CNTNAP2: variants seen among roughly 807,000 people sequenced by gnomAD.
The protein encoded by CNTNAP2 is contactin associated protein 2.
Under a neutral mutation model 155.2 loss-of-function variants are expected in CNTNAP2, and 98 were observed. The ratio of observed to expected loss-of-function variants is 0.63; its 90% CI spans 0.54 to 0.75. The LOEUF is 0.75. Among genes scored for constraint, CNTNAP2 ranks in the 30% least tolerant of loss-of-function variants. The pLI is 0.00. For missense variants in CNTNAP2, 1,727 were observed against 1,688.1 expected, an observed-to-expected ratio of 1.02 and a Z score of -0.40; for synonymous variants, 651 against 631.2, an observed-to-expected ratio of 1.03 and a Z score of -0.47.
intron 16 of CNTNAP2, among the ~76,000 whole-genome samples, chr7:148,144,737 G>A (rs1004821455): frequency 2.6e-5 from 4 of 152,216 alleles, no homozygotes; most frequent in South Asian, 2.1e-4. Flanking sequence ...GAATTTGTTC[G>A]GTATATAAGA....
At chr7:148,280,472 T>A (rs1050056081) in intron 21 of CNTNAP2, among the ~76,000 whole-genome samples, 4 of 152,160 alleles carry the variant, frequency 2.6e-5, no homozygotes, top group Admixed American at 2.0e-4. Flanking sequence ...TTGGATCATA[T>A]CAATGTTAAT....
chr7:146,241,662 T>A (rs28625703), intron 1 of CNTNAP2, among the ~76,000 whole-genome samples: 17,498 of 152,112 alleles, frequency 0.12, 2,767 homozygotes, highest in African/African-American at 0.36. Context: ...TTAGAGGAAA[T>A]TGTGAAATAT....
intron 1 of CNTNAP2, among the ~76,000 whole-genome samples, chr7:146,597,032 A>G (rs1158956046): frequency 6.6e-6 from 1 of 152,066 alleles, no homozygotes; most frequent in East Asian, 1.9e-4. Flanking sequence ...ACTTTCAAAA[A>G]TAACCAGGAA....
chr7:146,366,326 A>G (rs1795154883), intron 1 of CNTNAP2, among the ~76,000 whole-genome samples: 1 of 152,034 alleles, frequency 6.6e-6, no homozygotes, highest in Admixed American at 6.6e-5. Context: ...AGTTTTTGGG[A>G]TGTATTTCTG....
At chr7:147,328,782 C>T (rs1483826836) in intron 9 of CNTNAP2, among the ~76,000 whole-genome samples, 1 of 152,030 alleles carries the variant, frequency 6.6e-6, no homozygotes, top group Admixed American at 6.6e-5. Context: ...TATAATAAAC[C>T]AGCCTGCAGG....
intron 1 of CNTNAP2, among the ~76,000 whole-genome samples, chr7:146,312,976 T>A (rs1240927061): frequency 6.6e-6 from 1 of 152,236 alleles, no homozygotes; most frequent in Non-Finnish European, 1.5e-5. Context: ...ATACTTATAT[T>A]GCTTTCATAT....
intron 10 of CNTNAP2, among the ~76,000 whole-genome samples, chr7:147,405,528 T>C (rs1796991674): frequency 6.6e-6 from 1 of 152,184 alleles, no homozygotes; most frequent in African/African-American, 2.4e-5. Flanking sequence ...CTTCATTTGC[T>C]ATATGCTCCC....
intron 1 of CNTNAP2, among the ~76,000 whole-genome samples, chr7:146,403,232 A>G (rs1795740108): frequency 6.6e-6 from 1 of 152,124 alleles, no homozygotes; most frequent in Non-Finnish European, 1.5e-5. Flanking sequence ...AATTCATAAA[A>G]TAATATCCAT....
At chr7:147,571,034 T>A (rs1039964725) in intron 12 of CNTNAP2, among the ~76,000 whole-genome samples, 1 of 152,236 alleles carries the variant, frequency 6.6e-6, no homozygotes, top group East Asian at 1.9e-4. Context: ...ATCTAACTAA[T>A]GCCTTGGGGT....
chr7:147,595,399 A>G (rs10269768), intron 12 of CNTNAP2, among the ~76,000 whole-genome samples: 106,206 of 152,104 alleles, frequency 0.7, 37,803 homozygotes, highest in African/African-American at 0.83. Flanking sequence ...AAGAAGTGTC[A>G]TTTGGGAAAT....
At chr7:147,108,447 A>G (rs1295855311) in intron 5 of CNTNAP2, 97 bp downstream of exon 5, 6 of 1,060,692 alleles carry the variant, frequency 5.7e-6, no homozygotes. Context: ...AATTATAAAA[A>G]GAGCTCATGT....
At chr7:147,156,190 C>A (rs1452142052) in intron 8 of CNTNAP2, among the ~76,000 whole-genome samples, 2 of 152,032 alleles carry the variant, frequency 1.3e-5, no homozygotes, top group Non-Finnish European at 2.9e-5. Flanking sequence ...AAGTGATGAA[C>A]TGAGAGACAA....
intron 1 of CNTNAP2, among the ~76,000 whole-genome samples, chr7:146,299,341 T>G (rs1584855667): frequency 6.6e-6 from 1 of 152,196 alleles, no homozygotes; most frequent in East Asian, 1.9e-4. Context: ...GGTGCACAAT[T>G]ATATGGTAGT....
chr7:147,092,652 T>A (rs1800430892), intron 4 of CNTNAP2, among the ~76,000 whole-genome samples: 1 of 152,180 alleles, frequency 6.6e-6, no homozygotes, highest in Non-Finnish European at 1.5e-5. Context: ...TAGGCAATCA[T>A]CAAATAGCTT....
At chr7:147,251,033 C>A (rs1443310887) in intron 8 of CNTNAP2, among the ~76,000 whole-genome samples, 1 of 152,180 alleles carries the variant, frequency 6.6e-6, no homozygotes, top group Non-Finnish European at 1.5e-5. Flanking sequence ...CTCCATCTTA[C>A]ATTTTAAAAG....
At chr7:146,727,243 G>A (rs1801446969) in intron 1 of CNTNAP2, among the ~76,000 whole-genome samples, 1 of 152,120 alleles carries the variant, frequency 6.6e-6, no homozygotes, top group Non-Finnish European at 1.5e-5. Context: ...CATTGTGTAG[G>A]ATAAAATGAC....
chr7:146,309,845 G>A (rs1409425028), intron 1 of CNTNAP2, among the ~76,000 whole-genome samples: 1 of 149,826 alleles, frequency 6.7e-6, no homozygotes, highest in Non-Finnish European at 1.5e-5. Flanking sequence ...AGGAAGGAAG[G>A]AAGGAAGGAA....
At chr7:146,769,927 G>C (rs1802263361) in intron 1 of CNTNAP2, among the ~76,000 whole-genome samples, 1 of 152,076 alleles carries the variant, frequency 6.6e-6, no homozygotes, top group Non-Finnish European at 1.5e-5. Context: ...CTAACTCTTG[G>C]TGGTTAACAC....
intron 15 of CNTNAP2, among the ~76,000 whole-genome samples, chr7:148,088,861 A>G (rs908650231): frequency 6.6e-6 from 1 of 152,030 alleles, no homozygotes; most frequent in African/African-American, 2.4e-5. Flanking sequence ...CACAAGAAAA[A>G]AAATTACATG....
Sources: allele counts gnomAD v4.1 joint callset (sites outside exome capture counted in the v4.1 genomes callset), GRCh38; gene constraint gnomAD v4.1.1; transcripts MANE v1.5; gene names NCBI Gene and HGNC (gene_info 2026-07-23, HGNC 2026-07-21).